The following RANBP2 variants were observed in gnomAD, a reference collection of about 807,000 sequenced individuals.
RANBP2 encodes the protein RAN binding protein 2.
Under a neutral mutation model 303.6 loss-of-function variants are expected in RANBP2, and 57 were observed. That is an observed-to-expected ratio of 0.19 (90% confidence interval 0.15 to 0.23). The LOEUF is 0.23. Ranked by LOEUF, RANBP2 falls within the 10% of genes least tolerant of loss-of-function variation. RANBP2 has a pLI of 1.00. For missense variants in RANBP2, 3,138 were observed against 3,780.8 expected, an observed-to-expected ratio of 0.83 and a Z score of 4.46; for synonymous variants, 1,167 against 1,301.5, an observed-to-expected ratio of 0.90 and a Z score of 2.23.
chr2:109,548,758 A>G, the RANBP2 span, among the ~76,000 whole-genome samples: 3 of 136,314 alleles, frequency 2.2e-5, no homozygotes, highest in East Asian at 7.0e-4. Context: ...CTTGGGCCAC[A>G]GAGTTAGGCT....
chr2:109,651,604 C>T, the RANBP2 span, among the ~76,000 whole-genome samples: 1 of 152,146 alleles, frequency 6.6e-6, no homozygotes, highest in Non-Finnish European at 1.5e-5. Context: ...AACTTTGAGC[C>T]CTTTCCCTAA....
At chr2:108,930,867 G>T in the RANBP2 span, 2 of 1,339,052 alleles carry the variant, frequency 1.5e-6, no homozygotes, top group Non-Finnish European at 2.1e-6. Flanking sequence ...GAGGGACTAT[G>T]ATCAGCATTC....
At chr2:108,869,199 A>G in the RANBP2 span, among the ~76,000 whole-genome samples, 1 of 152,184 alleles carries the variant, frequency 6.6e-6, no homozygotes, top group Non-Finnish European at 1.5e-5. Context: ...TGTAGGAACT[A>G]TGGAAACCAG....
the RANBP2 span, among the ~76,000 whole-genome samples, chr2:109,493,317 G>A: frequency 0.27 from 38,160 of 142,260 alleles, 5,128 homozygotes; most frequent in East Asian, 0.52. Flanking sequence ...GCAAATATAC[G>A]TACACCATAC....
At chr2:109,381,087 C>T in the RANBP2 span, among the ~76,000 whole-genome samples, 1 of 152,190 alleles carries the variant, frequency 6.6e-6, no homozygotes, top group Non-Finnish European at 1.5e-5. Context: ...AGTGGTCTAC[C>T]ACTTGCTGAG....
chr2:108,911,329 T>C, the RANBP2 span, among the ~76,000 whole-genome samples: 1 of 152,152 alleles, frequency 6.6e-6, no homozygotes, highest in Non-Finnish European at 1.5e-5. Flanking sequence ...TGATTGTTCC[T>C]AGGGAGTTTG....
chr2:109,106,555 G>T, the RANBP2 span, among the ~76,000 whole-genome samples: 1 of 152,116 alleles, frequency 6.6e-6, no homozygotes, highest in Non-Finnish European at 1.5e-5. Flanking sequence ...AAGTAATCCT[G>T]GCCGGGTGCG....
At chr2:109,646,487 A>G in the RANBP2 span, among the ~76,000 whole-genome samples, 1 of 151,842 alleles carries the variant, frequency 6.6e-6, no homozygotes, top group African/African-American at 2.4e-5. Context: ...GTATTTGTAA[A>G]CGGCTAATAA....
At chr2:109,258,771 G>A in the RANBP2 span, among the ~76,000 whole-genome samples, 1 of 152,226 alleles carries the variant, frequency 6.6e-6, no homozygotes, top group East Asian at 1.9e-4. Flanking sequence ...GGCCTGCACT[G>A]CTGTTGTCCT....
At chr2:108,858,057 A>G in the RANBP2 span, among the ~76,000 whole-genome samples, 1 of 152,174 alleles carries the variant, frequency 6.6e-6, no homozygotes, top group African/African-American at 2.4e-5. Flanking sequence ...GTTACTCTCA[A>G]ATTCAGCCAG....
At chr2:109,187,500 A>G in the RANBP2 span, among the ~76,000 whole-genome samples, 1 of 152,286 alleles carries the variant, frequency 6.6e-6, no homozygotes, top group Admixed American at 6.5e-5. Context: ...TTATATCTTT[A>G]CTGTACCTTC....
chr2:108,794,803 ATTTC>A, the RANBP2 span: 1 of 1,008,718 alleles, frequency 9.9e-7, no homozygotes, highest in Non-Finnish European at 1.4e-6. Context: ...AATATAATAT[ATTTC>A]ATTTTAATTA....
chr2:109,424,477 C>CT, the RANBP2 span, among the ~76,000 whole-genome samples: 1 of 96,968 alleles, frequency 1.0e-5, no homozygotes, highest in Non-Finnish European at 2.0e-5. Flanking sequence ...ACAGATACTG[C>CT]ATTTTTTTTA....
At chr2:109,171,059 G>T in the RANBP2 span, among the ~76,000 whole-genome samples, 3 of 152,162 alleles carry the variant, frequency 2.0e-5, no homozygotes, top group Non-Finnish European at 1.5e-5. Context: ...TCCTGGTTTG[G>T]TTCATGGGCA....
chr2:108,867,590 C>T, the RANBP2 span, among the ~76,000 whole-genome samples: 1 of 152,088 alleles, frequency 6.6e-6, no homozygotes, highest in African/African-American at 2.4e-5. Context: ...ATCTTGAGTG[C>T]ATTTCACACC....
At chr2:108,919,509 C>G in the RANBP2 span, among the ~76,000 whole-genome samples, 2 of 152,172 alleles carry the variant, frequency 1.3e-5, no homozygotes, top group Non-Finnish European at 1.5e-5. Context: ...CAGGCAGGCA[C>G]CACCACGCCC....
At chr2:108,991,158 C>T in the RANBP2 span, among the ~76,000 whole-genome samples, 2 of 151,930 alleles carry the variant, frequency 1.3e-5, no homozygotes, top group Non-Finnish European at 2.9e-5. Context: ...GAAAAAAATC[C>T]AAACATCATG....
chr2:109,431,902 C>A, the RANBP2 span, among the ~76,000 whole-genome samples: 1 of 152,078 alleles, frequency 6.6e-6, no homozygotes, highest in Non-Finnish European at 1.5e-5. Context: ...TTAACCATAG[C>A]ACAATTACTG....
At chr2:109,664,678 C>T in the RANBP2 span, among the ~76,000 whole-genome samples, 1 of 151,748 alleles carries the variant, frequency 6.6e-6, no homozygotes, top group Admixed American at 6.6e-5. Flanking sequence ...ACCTGTAATC[C>T]CAGCACTTTG....
Sources: allele counts gnomAD v4.1 joint callset (sites outside exome capture counted in the v4.1 genomes callset), GRCh38; gene constraint gnomAD v4.1.1; transcripts MANE v1.5; gene names NCBI Gene and HGNC (gene_info 2026-07-23, HGNC 2026-07-21).